The following CCSER1 variants were observed in gnomAD, a reference collection of about 807,000 sequenced individuals.
CCSER1 encodes serine-rich coiled-coil domain-containing protein 1.
In CCSER1, 41 loss-of-function variants were observed where a neutral mutation model predicts 82.0. The observed-to-expected ratio is 0.50, with a 90% CI of 0.39 to 0.65. CCSER1 has a LOEUF of 0.65. Ranked by LOEUF, CCSER1 falls within the 30% of genes least tolerant of loss-of-function variation. The pLI is 0.00. For missense variants in CCSER1, 1,119 were observed against 1,064.2 expected (o/e 1.05, Z -0.72); for synonymous variants, 414 against 383.9 (o/e 1.08, Z -0.92).
intron 10 of CCSER1, among the ~76,000 whole-genome samples, chr4:91,545,303 C>T (rs771419086): frequency 2.0e-4 from 30 of 152,170 alleles, no homozygotes; most frequent in Admixed American, 5.2e-4. Flanking sequence ...CGCCCTGCTT[C>T]GGCTCATGGT....
chr4:90,351,572 A>T (rs1188113118), intron 3 of CCSER1, among the ~76,000 whole-genome samples: 1 of 152,224 alleles, frequency 6.6e-6, no homozygotes, highest in African/African-American at 2.4e-5. Flanking sequence ...AATAGTGAAT[A>T]AGCTGAAAAC....
intron 10 of CCSER1, among the ~76,000 whole-genome samples, chr4:91,482,964 G>C (rs1295044050): frequency 1.3e-5 from 2 of 152,074 alleles, no homozygotes; most frequent in African/African-American, 4.8e-5. Flanking sequence ...GGAGCGGGGA[G>C]GGATAGCATT....
chr4:90,913,294 C>T (rs1365959634), intron 8 of CCSER1, among the ~76,000 whole-genome samples: 2 of 152,198 alleles, frequency 1.3e-5, no homozygotes, highest in African/African-American at 4.8e-5. Flanking sequence ...GCTGATCTCT[C>T]AGCAGACACT....
intron 10 of CCSER1, among the ~76,000 whole-genome samples, chr4:91,114,360 T>G (rs1726365745): frequency 6.6e-6 from 1 of 152,076 alleles, no homozygotes; most frequent in Non-Finnish European, 1.5e-5. Context: ...TAATGTGACT[T>G]CCATTATCAA....
chr4:90,805,263 T>C (rs192645594), intron 7 of CCSER1, among the ~76,000 whole-genome samples: 39 of 152,274 alleles, frequency 2.6e-4, no homozygotes, highest in Non-Finnish European at 5.0e-4. Flanking sequence ...GCTGAGACTT[T>C]AGTCACCTGA....
rs1170570635 is a variant in CCSER1 at position 90,665,830 on chromosome 4, C to T, written c.1932+37598C>T. Among the ~76,000 whole-genome samples, 4 of 152,296 alleles carry T rather than the reference C, an allele frequency of 2.6e-5. No individual in the cohort carries two copies. In the East Asian group the frequency reaches 5.8e-4, roughly 22 times the overall value. ...TGAAGTTTAGATGTGGGAGGTTTCTCTGGTGCAAATCTCAAAGGGCAGTCT... is the reference window on the plus strand; with the variant it reads ...TGAAGTTTAGATGTGGGAGGTTTCTTTGGTGCAAATCTCAAAGGGCAGTCT... On this transcript the variant is annotated intron_variant, in intron 6 of 10. Transcript: ENST00000509176.
intron 9 of CCSER1, among the ~76,000 whole-genome samples, chr4:91,027,709 G>A (rs1020397376): frequency 7.9e-5 from 12 of 151,984 alleles, no homozygotes; most frequent in African/African-American, 2.7e-4. Flanking sequence ...GTGGATCAGG[G>A]TTTACTTCTA....
chr4:91,271,684 A>G (rs1321526092), intron 10 of CCSER1, among the ~76,000 whole-genome samples: 2 of 152,096 alleles, frequency 1.3e-5, no homozygotes, highest in African/African-American at 4.8e-5. Context: ...TGATATATAT[A>G]CACACACATA....
intron 10 of CCSER1, among the ~76,000 whole-genome samples, chr4:91,478,528 T>G (rs1021883386): frequency 1.3e-5 from 2 of 151,932 alleles, no homozygotes; most frequent in Admixed American, 6.6e-5. Flanking sequence ...GTCTCAGAGA[T>G]TCTGCATTCA....
At chr4:91,407,483 A>G (rs1270943777) in intron 10 of CCSER1, among the ~76,000 whole-genome samples, 40 of 152,212 alleles carry the variant, frequency 2.6e-4, no homozygotes, top group Admixed American at 2.6e-3. Flanking sequence ...GAGGTAGACA[A>G]GAAGAGAATG....
At chr4:91,082,875 C>A (rs1270228937) in intron 9 of CCSER1, among the ~76,000 whole-genome samples, 3 of 152,156 alleles carry the variant, frequency 2.0e-5, no homozygotes, top group Non-Finnish European at 4.4e-5. Context: ...CATCTCACAC[C>A]AGTTAGAATG....
intron 5 of CCSER1, among the ~76,000 whole-genome samples, chr4:90,497,506 A>G (rs1769217792): frequency 6.6e-6 from 1 of 152,168 alleles, no homozygotes; most frequent in South Asian, 2.1e-4. Context: ...AATATATTTT[A>G]GCTACAGAAT....
chr4:90,889,967 T>A (rs746982339), intron 8 of CCSER1, among the ~76,000 whole-genome samples: 2 of 152,062 alleles, frequency 1.3e-5, no homozygotes, highest in Non-Finnish European at 2.9e-5. Context: ...TAAAAGTAAA[T>A]ATTGCAGGCA....
At chr4:91,473,035 C>G (rs1757371888) in intron 10 of CCSER1, among the ~76,000 whole-genome samples, 1 of 149,208 alleles carries the variant, frequency 6.7e-6, no homozygotes, top group Admixed American at 6.6e-5. Flanking sequence ...CTACCAACTC[C>G]AAATTCCAAA....
At chr4:91,581,157 GA>G (rs1763707655) in intron 10 of CCSER1, among the ~76,000 whole-genome samples, 1 of 151,636 alleles carries the variant, frequency 6.6e-6, no homozygotes, top group Non-Finnish European at 1.5e-5. Context: ...TAATTATATA[GA>G]AGTTAATTAG....
intron 1 of CCSER1, among the ~76,000 whole-genome samples, chr4:90,186,940 G>T (rs747556209): frequency 5.3e-5 from 8 of 151,646 alleles, no homozygotes; most frequent in Non-Finnish European, 1.0e-4. Context: ...ATCTTTTTCT[G>T]CATCGTTTTT....
intron 10 of CCSER1, among the ~76,000 whole-genome samples, chr4:91,186,747 T>C (rs886826913): frequency 2.0e-5 from 3 of 152,228 alleles, no homozygotes; most frequent in Non-Finnish European, 4.4e-5. Context: ...AATGAAGGGA[T>C]GGGCTGAATT....
At chr4:90,140,055 A>T (rs961509379) in intron 1 of CCSER1, among the ~76,000 whole-genome samples, 9 of 152,226 alleles carry the variant, frequency 5.9e-5, no homozygotes, top group African/African-American at 2.2e-4. Flanking sequence ...TTAAAAACCT[A>T]AAATTTCTTT....
At chr4:91,154,531 T>C (rs902135992) in intron 10 of CCSER1, among the ~76,000 whole-genome samples, 1 of 152,006 alleles carries the variant, frequency 6.6e-6, no homozygotes, top group African/African-American at 2.4e-5. Context: ...CCCACTGTCC[T>C]GCACCCACTG....
Sources: gnomAD v4.1 joint callset for allele counts (sites outside exome capture counted in the v4.1 genomes callset) on GRCh38, gnomAD v4.1.1 for gene constraint, MANE v1.5 for transcripts, NCBI Gene and HGNC (gene_info 2026-07-23, HGNC 2026-07-21) for gene names.